APBA1: variants seen among roughly 807,000 people sequenced by gnomAD.
APBA1 encodes amyloid beta precursor protein binding family A member 1.
In APBA1, 55 loss-of-function variants were observed where a neutral mutation model predicts 86.6. The observed-to-expected ratio is 0.64, with a 90% CI of 0.51 to 0.80. The LOEUF is 0.80. APBA1 is among the 30% of genes least tolerant of loss of function. The probability of loss-of-function intolerance (pLI) is 0.00; values close to 1 mark genes in which losing one functional copy is unlikely to be tolerated. For missense variants in APBA1, 1,090 were observed against 1,183.0 expected (o/e 0.92, Z 1.15); for synonymous variants, 511 against 493.9 (o/e 1.03, Z -0.46).
chr9:69,650,469 G>T (rs1374508634), intron 1 of APBA1, among the ~76,000 whole-genome samples: 2 of 152,154 alleles, frequency 1.3e-5, no homozygotes, highest in African/African-American at 2.4e-5. Context: ...GTCTTGTTTT[G>T]TTATACACGA....
chr9:69,517,640 G>A (rs1175610045), intron 1 of APBA1, among the ~76,000 whole-genome samples: 1 of 152,178 alleles, frequency 6.6e-6, no homozygotes, highest in Non-Finnish European at 1.5e-5. Flanking sequence ...TCTGCTAACA[G>A]ATAAATCTCT....
chr9:69,497,354 A>G (rs1446088147), intron 2 of APBA1, among the ~76,000 whole-genome samples: 1 of 151,992 alleles, frequency 6.6e-6, no homozygotes, highest in Non-Finnish European at 1.5e-5. Flanking sequence ...GCTCCCCTAC[A>G]CCACCAAGAC....
chr9:69,527,039 G>A (rs555243825), intron 1 of APBA1, among the ~76,000 whole-genome samples: 25 of 152,156 alleles, frequency 1.6e-4, no homozygotes, highest in Admixed American at 8.5e-4. Flanking sequence ...GGTACTCACG[G>A]ACATAAAGAT....
chr9:69,577,647 G>T (rs1027998748), intron 1 of APBA1, among the ~76,000 whole-genome samples: 3 of 152,072 alleles, frequency 2.0e-5, no homozygotes, highest in African/African-American at 7.2e-5. Context: ...TACTTCAAAA[G>T]AAATGCAATC....
intron 1 of APBA1, among the ~76,000 whole-genome samples, chr9:69,662,629 C>T (rs137939117): frequency 0.011 from 1,659 of 152,148 alleles, 34 homozygotes; most frequent in African/African-American, 0.038. Flanking sequence ...GGGAAGTGGG[C>T]GTAGAAACTA....
chr9:69,587,097 T>C (rs1168716807), intron 1 of APBA1, among the ~76,000 whole-genome samples: 2 of 152,238 alleles, frequency 1.3e-5, no homozygotes, highest in East Asian at 3.8e-4. Flanking sequence ...TTTTTGCCAC[T>C]GGCATCCATT....
At chr9:69,537,181 G>A (rs895672709) in intron 1 of APBA1, among the ~76,000 whole-genome samples, 3 of 151,808 alleles carry the variant, frequency 2.0e-5, no homozygotes, top group Non-Finnish European at 4.4e-5. Flanking sequence ...TGGGTAGGAA[G>A]AGGGCAGGAA....
chr9:69,437,610 G>A (rs1834751262), intron 11 of APBA1, among the ~76,000 whole-genome samples: 1 of 31,384 alleles, frequency 3.2e-5, no homozygotes, highest in South Asian at 9.5e-4. Context: ...ATTTCTGTGG[G>A]ATCATTGGTG....
intron 5 of APBA1, chr9:69,460,702 A>C (rs1302943866): frequency 1.3e-5 from 2 of 151,928 alleles, no homozygotes; most frequent in African/African-American, 4.8e-5. Flanking sequence ...AGGATCCAAA[A>C]GGCAAACTGA....
Position 69,523,382 on chromosome 9 carries a change from G to A in APBA1, c.-69-6103C>T, listed in dbSNP as rs149064068. 1.2e-3 allele frequency among the ~76,000 whole-genome samples: 180 copies of A among 150,308 alleles called. 1 individual carries two copies. Among genetic ancestry groups the A allele is most frequent in the African/African-American group, 4.1e-3 (168 of 40,858 alleles). ...TTAACACAGAGAGAAGTTTGTGTAC[G>A]TCAGTGATAGAGAACAAAGAAGAGC... is the stretch of plus-strand genomic sequence containing the variant. On this transcript the variant is annotated intron_variant, in intron 1 of 12. Coordinates refer to ENST00000265381, the MANE Select transcript of APBA1 (RefSeq NM_001163.4).
chr9:69,466,485 G>C (rs1395218422), intron 5 of APBA1, among the ~76,000 whole-genome samples: 1 of 152,170 alleles, frequency 6.6e-6, no homozygotes, highest in East Asian at 1.9e-4. Context: ...GAAGGCAGTG[G>C]TCAGAGGTGT....
At chr9:69,520,288 T>G (rs1163699157) in intron 1 of APBA1, among the ~76,000 whole-genome samples, 1 of 152,190 alleles carries the variant, frequency 6.6e-6, no homozygotes, top group Non-Finnish European at 1.5e-5. Context: ...ACATTTAAGC[T>G]GCTTTTTAAA....
intron 11 of APBA1, among the ~76,000 whole-genome samples, chr9:69,434,300 C>G (rs1381242258): frequency 6.6e-6 from 1 of 152,106 alleles, no homozygotes; most frequent in East Asian, 1.9e-4. Flanking sequence ...CACAGAAACA[C>G]TGGGTTCTGG....
chr9:69,604,014 C>G (rs2133975911), intron 1 of APBA1, among the ~76,000 whole-genome samples: 1 of 152,268 alleles, frequency 6.6e-6, no homozygotes, highest in Admixed American at 6.5e-5. Flanking sequence ...TTTAATATTC[C>G]CCGGGTAAGC....
chr9:69,522,787 T>C (rs1836274162), intron 1 of APBA1, among the ~76,000 whole-genome samples: 1 of 152,200 alleles, frequency 6.6e-6, no homozygotes, highest in South Asian at 2.1e-4. Context: ...TGACATCATC[T>C]AATAAATGTC....
At chr9:69,467,795 C>T in intron 5 of APBA1, 28 bp downstream of exon 5, 1 of 1,613,720 alleles carries the variant, frequency 6.2e-7, no homozygotes, top group African/African-American at 1.3e-5. Context: ...AGCCCCCTGT[C>T]CCTGTTGGAG....
chr9:69,529,996 C>CA (rs745615897), intron 1 of APBA1, among the ~76,000 whole-genome samples: 1 of 151,888 alleles, frequency 6.6e-6, no homozygotes, highest in East Asian at 1.9e-4. Context: ...ATCATTAAGT[C>CA]AAAAAACAAC....
At position 69,452,105 on chromosome 9, in the gene APBA1, T is replaced by G; in HGVS notation, c.1968+17A>C. On this transcript the variant is annotated intron_variant, in intron 9 of 12. Coordinates refer to ENST00000265381, the MANE Select transcript of APBA1 (RefSeq NM_001163.4). ...CAGCTGACCCAGCCTGGAGAACAGC[T>G]TCAGGTAAGTACCCACATCTTTACA... The G allele has an allele frequency of 6.2e-7, 1 of 1,611,346 alleles. No homozygotes were observed. Among genetic ancestry groups the G allele is most frequent in the Non-Finnish European group, 8.5e-7 (1 of 1,178,234 alleles).
At chr9:69,559,617 G>A (rs1035487768) in intron 1 of APBA1, among the ~76,000 whole-genome samples, 2 of 151,946 alleles carry the variant, frequency 1.3e-5, no homozygotes, top group African/African-American at 4.8e-5. Flanking sequence ...TAGAATTCTG[G>A]GTCGACGGTT....
Sources: gnomAD v4.1 joint callset for allele counts (sites outside exome capture counted in the v4.1 genomes callset) on GRCh38, gnomAD v4.1.1 for gene constraint, MANE v1.5 for transcripts, NCBI Gene and HGNC (gene_info 2026-07-23, HGNC 2026-07-21) for gene names.